NEK10: variants seen among roughly 807,000 people sequenced by gnomAD.
NEK10 encodes serine/threonine-protein kinase Nek10.
Under a neutral mutation model 159.8 loss-of-function variants are expected in NEK10, and 122 were observed. The ratio of observed to expected loss-of-function variants is 0.76; its 90% CI spans 0.66 to 0.89. The LOEUF is 0.89. NEK10 is among the 40% of genes least tolerant of loss of function. NEK10 has a pLI of 0.00. For missense variants in NEK10, 1,342 were observed against 1,323.1 expected (o/e 1.01, Z -0.22); for synonymous variants, 466 against 457.1 (o/e 1.02, Z -0.25).
At chr3:27,128,995 G>A (rs1942298939) in intron 32 of NEK10, among the ~76,000 whole-genome samples, 1 of 152,090 alleles carries the variant, frequency 6.6e-6, no homozygotes, top group African/African-American at 2.4e-5. Flanking sequence ...GATTTATCAT[G>A]AACTCATATT....
chr3:27,189,028 T>C (rs530443427), intron 26 of NEK10, among the ~76,000 whole-genome samples: 1 of 152,266 alleles, frequency 6.6e-6, no homozygotes, highest in South Asian at 2.1e-4. Context: ...ATATTCTAAT[T>C]ATTACACATT....
chr3:27,252,035 T>G (rs1041305667), intron 23 of NEK10, among the ~76,000 whole-genome samples: 2 of 152,204 alleles, frequency 1.3e-5, no homozygotes, highest in Admixed American at 6.5e-5. Flanking sequence ...CATATTAATA[T>G]TAAAAAATGA....
intron 31 of NEK10, among the ~76,000 whole-genome samples, chr3:27,138,077 C>T (rs1174418293): frequency 1.3e-5 from 2 of 152,192 alleles, no homozygotes; most frequent in African/African-American, 2.4e-5. Flanking sequence ...TGTTTCCTGG[C>T]TCCAGTGATG....
chr3:27,339,032 AAACTATTCATC>A (rs2149753971), intron 5 of NEK10, among the ~76,000 whole-genome samples: 2 of 152,342 alleles, frequency 1.3e-5, no homozygotes, highest in South Asian at 4.1e-4. Flanking sequence ...AAATATTTAC[AAACTATTCATC>A]AACAAGCGAC....
chr3:27,312,412 T>C (rs2044771314), intron 7 of NEK10, among the ~76,000 whole-genome samples: 1 of 152,236 alleles, frequency 6.6e-6, no homozygotes, highest in African/African-American at 2.4e-5. Context: ...CTCAAGACTC[T>C]ATAAACTCTC....
intron 10 of NEK10, 120 bp downstream of exon 10, chr3:27,308,806 A>G (rs1327734742): frequency 8.8e-6 from 4 of 455,838 alleles, no homozygotes; most frequent in Non-Finnish European, 1.6e-5. Context: ...ATGTTATTTC[A>G]CACTTATTTA....
At chr3:27,281,633 GC>G (rs2149444802) in intron 22 of NEK10, among the ~76,000 whole-genome samples, 1 of 152,132 alleles carries the variant, frequency 6.6e-6, no homozygotes, top group East Asian at 1.9e-4. Context: ...AAAACATAAC[GC>G]CCAAAGCACT....
intron 5 of NEK10, among the ~76,000 whole-genome samples, chr3:27,323,245 G>A (rs2045775088): frequency 6.6e-6 from 1 of 152,204 alleles, no homozygotes; most frequent in African/African-American, 2.4e-5. Context: ...ACTGCTCAGA[G>A]TTGTCCCATA....
At chr3:27,185,812 T>C (rs1393619698) in intron 26 of NEK10, among the ~76,000 whole-genome samples, 2 of 152,092 alleles carry the variant, frequency 1.3e-5, no homozygotes, top group African/African-American at 2.4e-5. Context: ...GCAGAGGTGA[T>C]ATACTGACTG....
intron 30 of NEK10, among the ~76,000 whole-genome samples, chr3:27,157,359 A>T (rs1351846805): frequency 1.3e-5 from 2 of 152,184 alleles, no homozygotes; most frequent in African/African-American, 4.8e-5. Context: ...TATCAACAGT[A>T]ACAGGAGTTT....
At chr3:27,184,691 T>C (rs954263639) in intron 26 of NEK10, among the ~76,000 whole-genome samples, 45 of 152,236 alleles carry the variant, frequency 3.0e-4, no homozygotes, top group Admixed American at 2.6e-3. Flanking sequence ...TCATGGTTTT[T>C]CCTGATATTT....
intron 23 of NEK10, chr3:27,215,840 C>A (rs1951465875): frequency 2.8e-6 from 2 of 717,374 alleles, no homozygotes; most frequent in South Asian, 3.0e-5. Context: ...TTTTATGTGG[C>A]CAGAGCAGGA....
intron 23 of NEK10, among the ~76,000 whole-genome samples, chr3:27,218,184 G>C (rs370417412): frequency 6.6e-6 from 1 of 152,180 alleles, no homozygotes; most frequent in Non-Finnish European, 1.5e-5. Context: ...GACAGTGCAA[G>C]ATTTCACCAC....
chr3:27,118,582 C>G (rs1430924523), intron 33 of NEK10, among the ~76,000 whole-genome samples: 1 of 152,208 alleles, frequency 6.6e-6, no homozygotes, highest in African/African-American at 2.4e-5. Context: ...TGGGCCAAGC[C>G]TAGTCAGCTC....
rs146948592 is a variant in NEK10 at position 27,150,521 on chromosome 3, G to T, written c.2870-8939C>A. Among the ~76,000 whole-genome samples the T allele has an allele frequency of 5.2e-3, 786 of 152,240 alleles. 8 individuals are homozygous for T. The highest frequency in any genetic ancestry group is 0.019 in the African/African-American group (769 of 41,552). ...TCTATAAATAGAACAACAAAGCCTG[G>T]ATGAAAGCACTCTGTTTATTGAATA... On this transcript the variant is annotated intron_variant, in intron 30 of 35. Transcript: ENST00000691995.
At chr3:27,355,798 T>C (rs1310184889) in intron 1 of NEK10, among the ~76,000 whole-genome samples, 1 of 152,126 alleles carries the variant, frequency 6.6e-6, no homozygotes, top group Non-Finnish European at 1.5e-5. Flanking sequence ...ACCATGACTT[T>C]CACTGCTCTG....
intron 23 of NEK10, among the ~76,000 whole-genome samples, chr3:27,226,137 T>C (rs1952615250): frequency 1.3e-5 from 2 of 152,096 alleles, no homozygotes; most frequent in South Asian, 2.1e-4. Context: ...GTTCACATCA[T>C]TCTCCTGCCT....
intron 28 of NEK10, 59 bp downstream of exon 28, chr3:27,174,380 T>G: frequency 6.2e-7 from 1 of 1,602,328 alleles, no homozygotes; most frequent in Admixed American, 1.8e-5. Context: ...TCAAGTATGA[T>G]TTCCAAACCA....
At chr3:27,123,072 C>T (rs1221518731) in intron 32 of NEK10, among the ~76,000 whole-genome samples, 1 of 152,186 alleles carries the variant, frequency 6.6e-6, no homozygotes, top group Non-Finnish European at 1.5e-5. Context: ...TAGATATACA[C>T]ATTGTTTTAG....
Sources: gnomAD v4.1 joint callset for allele counts (sites outside exome capture counted in the v4.1 genomes callset) on GRCh38, gnomAD v4.1.1 for gene constraint, MANE v1.5 for transcripts, NCBI Gene and HGNC (gene_info 2026-07-23, HGNC 2026-07-21) for gene names.